CSMD3: variants seen among roughly 807,000 people sequenced by gnomAD.
CSMD3 encodes CUB and Sushi multiple domains 3.
CSMD3 carries 177 observed loss-of-function variants against 435.2 expected under a neutral mutation model. The ratio of observed to expected loss-of-function variants is 0.41; its 90% confidence interval spans 0.36 to 0.46. The LOEUF is 0.46. Among genes scored for constraint, CSMD3 ranks in the 20% least tolerant of loss-of-function variants. CSMD3 has a pLI of 0.34. For synonymous variants in CSMD3, 1,656 were observed against 1,520.5 expected, an observed-to-expected ratio of 1.09 and a Z score of -2.07; for missense variants, 4,265 against 4,504.6, an observed-to-expected ratio of 0.95 and a Z score of 1.52.
intron 4 of CSMD3, among the ~76,000 whole-genome samples, chr8:113,146,247 T>G (rs1008658911): frequency 6.6e-6 from 1 of 151,548 alleles, no homozygotes; most frequent in Non-Finnish European, 1.5e-5. Context: ...GAGTGTATAC[T>G]GTGTTTGTCA....
intron 3 of CSMD3, among the ~76,000 whole-genome samples, chr8:113,251,177 G>T (rs1442532124): frequency 6.6e-6 from 1 of 151,814 alleles, no homozygotes; most frequent in African/African-American, 2.4e-5. Context: ...ACCCATATTT[G>T]GATAATTCAT....
chr8:112,993,924 T>C (rs967317409), intron 6 of CSMD3, among the ~76,000 whole-genome samples: 77 of 151,880 alleles, frequency 5.1e-4, no homozygotes, highest in African/African-American at 1.8e-3. Context: ...CAGTCAGCTG[T>C]ATCAATTAAC....
chr8:112,351,726 T>TGTGATACA (rs1448772777), intron 39 of CSMD3, among the ~76,000 whole-genome samples: 1 of 152,030 alleles, frequency 6.6e-6, no homozygotes, highest in Non-Finnish European at 1.5e-5. Context: ...CTGAGATTTA[T>TGTGATACA]AATTTTGTGA....
chr8:112,417,357 T>C (rs570118985), intron 32 of CSMD3, among the ~76,000 whole-genome samples: 132 of 152,216 alleles, frequency 8.7e-4, no homozygotes, highest in African/African-American at 3.1e-3. Context: ...CCTGACCTCC[T>C]AGGATTGATG....
intron 17 of CSMD3, among the ~76,000 whole-genome samples, chr8:112,656,631 A>G (rs1344789471): frequency 6.6e-6 from 1 of 152,074 alleles, no homozygotes; most frequent in Non-Finnish European, 1.5e-5. Context: ...TGAACCAAAC[A>G]TATTTTTGGA....
intron 7 of CSMD3, among the ~76,000 whole-genome samples, chr8:112,957,517 G>A (rs1415690867): frequency 1.3e-5 from 2 of 152,130 alleles, no homozygotes; most frequent in South Asian, 2.1e-4. Flanking sequence ...GCAGTGGCGC[G>A]ATCTCGGCTC....
In CSMD3 at chr8:112,310,964, A is replaced by G. The variant is rs201281110; in HGVS notation, c.7885+14T>C. On this transcript the variant is annotated intron_variant, in intron 50 of 70. Transcript: ENST00000297405. ...CATTCATGTTTTTGTTCATTTTGGC[A>G]TAATATACTTCACCTTGACAGGCAG... 792 of 1,611,386 alleles carry G rather than the reference A, an allele frequency of 4.9e-4. 5 individuals are homozygous for G. In the South Asian group the frequency reaches 6.6e-3, roughly 13 times the overall value.
chr8:112,458,504 C>A (rs944203585), intron 32 of CSMD3, among the ~76,000 whole-genome samples: 3 of 152,066 alleles, frequency 2.0e-5, no homozygotes, highest in Non-Finnish European at 4.4e-5. Context: ...GTACATCACA[C>A]TACTTCCTGG....
intron 22 of CSMD3, among the ~76,000 whole-genome samples, chr8:112,609,920 C>T (rs1833124917): frequency 6.6e-6 from 1 of 152,082 alleles, no homozygotes. Flanking sequence ...AAGCCAGACA[C>T]ACAAAGACAA....
At chr8:112,805,516 T>C (rs1286312610) in intron 12 of CSMD3, among the ~76,000 whole-genome samples, 1 of 152,216 alleles carries the variant, frequency 6.6e-6, no homozygotes, top group Non-Finnish European at 1.5e-5. Context: ...ACACTCACCC[T>C]GTAATATTAA....
At chr8:113,206,776 A>G (rs570901743) in intron 3 of CSMD3, among the ~76,000 whole-genome samples, 1 of 152,312 alleles carries the variant, frequency 6.6e-6, no homozygotes, top group African/African-American at 2.4e-5. Context: ...ATGAATGGAA[A>G]AAAATGTATT....
Position 112,289,439 on chromosome 8 carries a change from C to A in CSMD3, c.9074G>T (p.Arg3025Leu), listed in dbSNP as rs199604170. The A allele has an allele frequency of 6.2e-7, 1 of 1,613,302 alleles. No homozygotes were observed. ...STVHYSCTGK[R>L]SLLGQSSRTC... ...TCTTGATGACTGGCCTAAAAGGGAA[C>A]GCTTTCCTGTGCAGGAATAGTGAAC... The change falls in exon 57 of 71, where the codon CGT (arginine) becomes CTT (leucine). Residue 3025 changes from arginine (R) to leucine (L), a missense_variant. Physicochemically the swap from Arg to Leu is moderately radical, Grantham distance 102. Coordinates refer to ENST00000297405, the MANE Select transcript of CSMD3 (RefSeq NM_198123.2).
At chr8:113,423,780 T>G (rs1317424456) in intron 1 of CSMD3, among the ~76,000 whole-genome samples, 1 of 151,890 alleles carries the variant, frequency 6.6e-6, no homozygotes, top group African/African-American at 2.4e-5. Flanking sequence ...CACTTGGAAG[T>G]GCTTTCCTTT....
chr8:112,342,987 T>TTATATATATATATATTTA (rs1169036495), intron 41 of CSMD3, among the ~76,000 whole-genome samples: 4 of 47,288 alleles, frequency 8.5e-5, no homozygotes, highest in Admixed American at 3.4e-4. Context: ...ATATATATAT[T>TTATATATATATATATTTA]TATATATATA....
intron 2 of CSMD3, chr8:113,313,712 A>G (rs1214486603): frequency 6.6e-6 from 1 of 152,190 alleles, no homozygotes; most frequent in Non-Finnish European, 1.5e-5. Context: ...GTATGTAAAG[A>G]GTCTTTAATT....
chr8:112,435,173 T>C (rs987033520), intron 32 of CSMD3, among the ~76,000 whole-genome samples: 3 of 152,064 alleles, frequency 2.0e-5, no homozygotes, highest in Non-Finnish European at 4.4e-5. Context: ...AAATAAGGTA[T>C]GGAAAAATGT....
intron 5 of CSMD3, among the ~76,000 whole-genome samples, chr8:113,075,822 T>A (rs992848481): frequency 6.6e-6 from 1 of 151,888 alleles, no homozygotes; most frequent in African/African-American, 2.4e-5. Context: ...AGTATGCTAC[T>A]GTTATAAATA....
At chr8:112,315,155 T>G (rs1201199660) in intron 47 of CSMD3, among the ~76,000 whole-genome samples, 1 of 151,448 alleles carries the variant, frequency 6.6e-6, no homozygotes, top group Non-Finnish European at 1.5e-5. Flanking sequence ...AGTCACCAGT[T>G]GCCTTTCAGC....
intron 27 of CSMD3, among the ~76,000 whole-genome samples, chr8:112,529,968 T>C (rs922278258): frequency 1.3e-5 from 2 of 150,990 alleles, no homozygotes; most frequent in Non-Finnish European, 3.0e-5. Context: ...ATAGAAAATA[T>C]AAGAAAGTAC....
Sources: gnomAD v4.1 joint callset for allele counts (sites outside exome capture counted in the v4.1 genomes callset) on GRCh38, gnomAD v4.1.1 for gene constraint, MANE v1.5 for transcripts, NCBI Gene and HGNC (gene_info 2026-07-23, HGNC 2026-07-21) for gene names.